The following SORBS2 variants were observed in gnomAD, a reference collection of about 807,000 sequenced individuals.
SORBS2 encodes sorbin and SH3 domain containing 2.
In SORBS2, 46 loss-of-function variants were observed where a neutral mutation model predicts 97.7. That is an observed-to-expected ratio of 0.47 (90% CI 0.37 to 0.60). SORBS2 has a LOEUF of 0.60. Ranked by LOEUF, SORBS2 falls within the 20% of genes least tolerant of loss-of-function variation. The pLI is 0.00. For missense variants in SORBS2, 1,316 were observed against 1,282.3 expected, an observed-to-expected ratio of 1.03 and a Z score of -0.40; for synonymous variants, 476 against 473.4, an observed-to-expected ratio of 1.01 and a Z score of -0.07.
chr4:185,753,988 C>T (rs1047459067), intron 2 of SORBS2, among the ~76,000 whole-genome samples: 1 of 152,140 alleles, frequency 6.6e-6, no homozygotes, highest in Non-Finnish European at 1.5e-5. Context: ...ATCATAAAGA[C>T]ACATGCACGC....
intron 1 of SORBS2, among the ~76,000 whole-genome samples, chr4:185,846,312 G>A (rs2099214506): frequency 6.6e-6 from 1 of 152,188 alleles, no homozygotes; most frequent in Non-Finnish European, 1.5e-5. Context: ...ACTAAGTATT[G>A]CATGTTTCCA....
At chr4:185,747,570 C>G (rs1242827985) in intron 2 of SORBS2, among the ~76,000 whole-genome samples, 1 of 152,158 alleles carries the variant, frequency 6.6e-6, no homozygotes, top group Non-Finnish European at 1.5e-5. Flanking sequence ...CACAAGCTTC[C>G]AGGACACCAC....
At chr4:185,757,121 G>C (rs959243183) in intron 2 of SORBS2, 16 of 512,642 alleles carry the variant, frequency 3.1e-5, no homozygotes, top group Non-Finnish European at 3.7e-6. Flanking sequence ...GAAGCACACT[G>C]TCCACTGTAG....
chr4:185,704,912 C>T (rs73873311), intron 2 of SORBS2, among the ~76,000 whole-genome samples: 2,244 of 152,256 alleles, frequency 0.015, 60 homozygotes, highest in African/African-American at 0.05. Context: ...CCAGCTCATG[C>T]GGTGCAGGAG....
chr4:185,878,680 C>T (rs1355652779), intron 1 of SORBS2, among the ~76,000 whole-genome samples: 2 of 152,322 alleles, frequency 1.3e-5, no homozygotes, highest in Middle Eastern at 3.4e-3. Flanking sequence ...GACACTCTTG[C>T]TCTTCTGCAT....
At chr4:185,695,265 T>C (rs766838209) in intron 2 of SORBS2, among the ~76,000 whole-genome samples, 2 of 152,072 alleles carry the variant, frequency 1.3e-5, no homozygotes, top group Non-Finnish European at 2.9e-5. Flanking sequence ...TGGCTAAGAA[T>C]TCTATGTAGG....
chr4:185,911,806 C>T (rs2099255249), intron 1 of SORBS2, among the ~76,000 whole-genome samples: 1 of 152,108 alleles, frequency 6.6e-6, no homozygotes. Context: ...AAATAGAAGA[C>T]CTGGCTGGGT....
intron 1 of SORBS2, among the ~76,000 whole-genome samples, chr4:185,869,327 TA>T (rs1204243912): frequency 6.6e-6 from 1 of 152,222 alleles, no homozygotes; most frequent in African/African-American, 2.4e-5. Flanking sequence ...GGAACTGGAA[TA>T]ACTGCAGGTT....
intron 1 of SORBS2, among the ~76,000 whole-genome samples, chr4:185,938,244 C>T (rs1055671337): frequency 2.4e-4 from 36 of 152,112 alleles, no homozygotes; most frequent in Admixed American, 1.2e-3. Context: ...GTCATCCACC[C>T]GCCTCGGCCT....
Position 185,765,636 on chromosome 4 carries a change from A to T in SORBS2, c.-198+9591T>A, listed in dbSNP as rs1240437210. ...GGATCTCACCATGTGAGACAAAAAA[A>T]CACGTGTGTGCCAATTCTAAATTAA... On this transcript the variant is annotated intron_variant, in intron 2 of 20. Coordinates refer to the SORBS2 transcript ENST00000284776. 2.6e-5 allele frequency among the ~76,000 whole-genome samples: 4 copies of T among 152,232 alleles called. No homozygotes were observed. The East Asian group carries it at 5.8e-4, about 22-fold the overall frequency.
chr4:185,753,996 C>A (rs886131297), intron 2 of SORBS2, among the ~76,000 whole-genome samples: 1 of 152,046 alleles, frequency 6.6e-6, no homozygotes, highest in Admixed American at 6.5e-5. Flanking sequence ...GACACATGCA[C>A]GCATATATTC....
intron 1 of SORBS2, among the ~76,000 whole-genome samples, chr4:185,953,131 A>G (rs1341021409): frequency 1.3e-5 from 2 of 152,234 alleles, no homozygotes; most frequent in Non-Finnish European, 2.9e-5. Context: ...CCTGGCCAAC[A>G]TAGTGAAACC....
At chr4:185,766,400 A>T (rs12715855) in intron 2 of SORBS2, among the ~76,000 whole-genome samples, 7 of 152,018 alleles carry the variant, frequency 4.6e-5, no homozygotes, top group African/African-American at 7.3e-5. Context: ...GGTCTTCAAC[A>T]GTTTTTGTTT....
chr4:185,747,746 T>A (rs2098772134), intron 2 of SORBS2, among the ~76,000 whole-genome samples: 3 of 152,132 alleles, frequency 2.0e-5, no homozygotes, highest in Admixed American at 2.0e-4. Context: ...ACACCTGTAA[T>A]CCCAGCACTT....
At chr4:185,767,612 G>A (rs777026551) in intron 2 of SORBS2, among the ~76,000 whole-genome samples, 2 of 151,796 alleles carry the variant, frequency 1.3e-5, no homozygotes, top group African/African-American at 2.4e-5. Flanking sequence ...AAAATTATAG[G>A]TGCAATTATT....
At chr4:185,705,388 A>T (rs1446075534) in intron 2 of SORBS2, among the ~76,000 whole-genome samples, 2 of 152,140 alleles carry the variant, frequency 1.3e-5, no homozygotes, top group African/African-American at 4.8e-5. Flanking sequence ...TCTACTAAAA[A>T]TACAAAAATT....
chr4:185,686,548 C>T (rs539688087), intron 2 of SORBS2, among the ~76,000 whole-genome samples: 11 of 152,270 alleles, frequency 7.2e-5, no homozygotes, highest in African/African-American at 1.7e-4. Context: ...AGGATTTTAG[C>T]GAACTCAGCA....
At chr4:185,855,284 T>C (rs1481790593) in intron 1 of SORBS2, among the ~76,000 whole-genome samples, 2 of 152,132 alleles carry the variant, frequency 1.3e-5, no homozygotes, top group Non-Finnish European at 1.5e-5. Context: ...AAATTTACCT[T>C]CAACTACACA....
At chr4:185,614,779 C>T in intron 11 of SORBS2, 52 bp downstream of exon 23, 1 of 1,601,440 alleles carries the variant, frequency 6.2e-7, no homozygotes, top group Non-Finnish European at 8.5e-7. Flanking sequence ...TTTTCAAACC[C>T]ACTGAAGAAC....
Sources: allele counts gnomAD v4.1 joint callset (sites outside exome capture counted in the v4.1 genomes callset), GRCh38; gene constraint gnomAD v4.1.1; transcripts MANE v1.5; gene names NCBI Gene and HGNC (gene_info 2026-07-23, HGNC 2026-07-21).